The following ANTXR1 variants were observed in gnomAD, a reference collection of about 807,000 sequenced individuals.
ANTXR1 encodes ANTXR cell adhesion molecule 1.
In ANTXR1, 19 loss-of-function variants were observed where a neutral mutation model predicts 78.1. That is an observed-to-expected ratio of 0.24 (90% CI 0.17 to 0.36). The LOEUF (loss-of-function observed/expected upper bound fraction) is 0.36, where lower values mean the gene tolerates loss of function less well. ANTXR1 is among the 10% of genes least tolerant of loss of function. The pLI is 1.00. For missense variants in ANTXR1, 518 were observed against 718.6 expected (o/e 0.72, Z 3.19); for synonymous variants, 273 against 260.5 (o/e 1.05, Z -0.46).
At chr2:69,048,263 G>C (rs978349486) in intron 3 of ANTXR1, among the ~76,000 whole-genome samples, 1 of 152,072 alleles carries the variant, frequency 6.6e-6, no homozygotes, top group East Asian at 1.9e-4. Context: ...CTTTTGTTAA[G>C]ATGGTGATAT....
intron 13 of ANTXR1, among the ~76,000 whole-genome samples, chr2:69,165,249 T>C (rs527951122): frequency 6.6e-6 from 1 of 152,348 alleles, no homozygotes; most frequent in South Asian, 2.1e-4. Context: ...TCTTGGACTT[T>C]GTCTAAACAG....
Position 69,089,206 on chromosome 2 carries a change from T to C in ANTXR1, c.643-1653T>C, listed in dbSNP as rs149447582. 4.0e-3 allele frequency among the ~76,000 whole-genome samples: 616 copies of C among 152,356 alleles called. 1 individual carries two copies. The highest frequency in any genetic ancestry group is 0.014 in the African/African-American group (597 of 41,586). ...TCAGAAAATCTGAATTTTAGAATTG[T>C]CAAGAAGAAATGTTGCTTTTGGTGA... On this transcript the variant is annotated intron_variant, in intron 8 of 17. Transcript: ENST00000303714.
chr2:69,178,500 TC>T (rs766150379), intron 14 of ANTXR1, among the ~76,000 whole-genome samples: 19 of 151,826 alleles, frequency 1.3e-4, no homozygotes, highest in Non-Finnish European at 2.8e-4. Context: ...GGCGCCTCCT[TC>T]CCCAGGCCAG....
intron 1 of ANTXR1, among the ~76,000 whole-genome samples, chr2:69,016,784 T>C (rs1671038841): frequency 6.6e-6 from 1 of 152,258 alleles, no homozygotes; most frequent in Non-Finnish European, 1.5e-5. Context: ...CATACATTAC[T>C]TTTATATTCA....
intron 17 of ANTXR1, among the ~76,000 whole-genome samples, chr2:69,217,584 A>C (rs887391708): frequency 6.6e-6 from 1 of 152,212 alleles, no homozygotes; most frequent in African/African-American, 2.4e-5. Context: ...TGATTACTAA[A>C]TGCAATATAG....
intron 3 of ANTXR1, among the ~76,000 whole-genome samples, chr2:69,056,377 C>T (rs1371903263): frequency 6.6e-6 from 1 of 152,044 alleles, no homozygotes; most frequent in Non-Finnish European, 1.5e-5. Context: ...TGATAGCCTC[C>T]GAATGCCTCC....
intron 3 of ANTXR1, among the ~76,000 whole-genome samples, chr2:69,052,541 TTTCTC>T (rs1358867590): frequency 6.6e-6 from 1 of 152,186 alleles, no homozygotes; most frequent in East Asian, 1.9e-4. Context: ...TTATAGAACT[TTTCTC>T]TTTATCATAC....
At chr2:69,146,354 T>G in intron 12 of ANTXR1, 10 of 985,422 alleles carry the variant, frequency 1.0e-5, no homozygotes, top group Non-Finnish European at 1.2e-5. Flanking sequence ...CCATGTTGAT[T>G]GATTTTTTAA....
chr2:69,157,688 T>C (rs1411154007), intron 13 of ANTXR1, among the ~76,000 whole-genome samples: 1 of 152,202 alleles, frequency 6.6e-6, no homozygotes, highest in Non-Finnish European at 1.5e-5. Flanking sequence ...ACAGTCACAG[T>C]GTCTGTCACT....
chr2:69,203,086 GT>G (rs1260688061), intron 17 of ANTXR1, among the ~76,000 whole-genome samples: 1 of 149,758 alleles, frequency 6.7e-6, no homozygotes, highest in Non-Finnish European at 1.5e-5. Context: ...AAACAATTAA[GT>G]TTACATTAGC....
intron 8 of ANTXR1, among the ~76,000 whole-genome samples, chr2:69,084,368 G>A (rs1670984882): frequency 6.6e-6 from 1 of 152,186 alleles, no homozygotes; most frequent in South Asian, 2.1e-4. Context: ...GAAACTAACA[G>A]AGTAGCATCT....
In ANTXR1 at chr2:69,217,683, T is replaced by G. The variant is rs898624202; in HGVS notation, c.1434+24268T>G. On this transcript the variant is annotated intron_variant, in intron 17 of 17. Transcript: ENST00000303714. ...TTGTTATTATTAAAAGAAAATACCCTTATTAATTAACTACTGCAAGTCAGG... is the reference window on the plus strand; with the variant it reads ...TTGTTATTATTAAAAGAAAATACCCGTATTAATTAACTACTGCAAGTCAGG... 2.9e-4 allele frequency among the ~76,000 whole-genome samples: 43 copies of G among 149,558 alleles called. 1 individual carries two copies. The highest frequency in any genetic ancestry group is 1.5e-3 in the Admixed American group (22 of 14,782).
intron 17 of ANTXR1, among the ~76,000 whole-genome samples, chr2:69,230,117 C>T (rs1189761414): frequency 6.6e-6 from 1 of 151,446 alleles, no homozygotes; most frequent in East Asian, 2.0e-4. Context: ...TGTTTAGTGA[C>T]AGCACTTTGG....
intron 3 of ANTXR1, 140 bp from the exon 4 acceptor site, chr2:69,070,507 T>G: frequency 2.6e-6 from 2 of 774,956 alleles, no homozygotes; most frequent in Non-Finnish European, 2.3e-6. Flanking sequence ...TATAAAGGCC[T>G]TCCCTTTGAT....
rs1394267122 is a variant in ANTXR1 at position 69,175,483 on chromosome 2, A to C, written c.1089+5194A>C. Among the ~76,000 whole-genome samples the C allele has an allele frequency of 2.0e-5, 3 of 152,078 alleles. No homozygotes were observed. The South Asian group carries it at 6.2e-4, about 32-fold the overall frequency. ...CTACAAAAATAAAAATTAGCTTGGC[A>C]TGGTGGCTGTCACACATGTGGTCCC... On this transcript the variant is annotated intron_variant, in intron 14 of 17. Transcript: ENST00000303714.
At chr2:69,224,044 A>C (rs1416283277) in intron 17 of ANTXR1, among the ~76,000 whole-genome samples, 1 of 152,224 alleles carries the variant, frequency 6.6e-6, no homozygotes, top group Non-Finnish European at 1.5e-5. Context: ...AGGGCCCCTG[A>C]GTAGCATTTA....
intron 17 of ANTXR1, among the ~76,000 whole-genome samples, chr2:69,231,350 T>C (rs1268421674): frequency 6.6e-6 from 1 of 152,068 alleles, no homozygotes; most frequent in Non-Finnish European, 1.5e-5. Flanking sequence ...TGGCATAAAG[T>C]CCTAGTCCAT....
chr2:69,226,165 C>G (rs1010364959), intron 17 of ANTXR1, among the ~76,000 whole-genome samples: 1 of 152,142 alleles, frequency 6.6e-6, no homozygotes, highest in African/African-American at 2.4e-5. Flanking sequence ...CCACGAGCAC[C>G]CCCACTCATT....
intron 14 of ANTXR1, among the ~76,000 whole-genome samples, chr2:69,177,479 C>T (rs1226760403): frequency 1.3e-5 from 2 of 152,220 alleles, no homozygotes; most frequent in East Asian, 3.9e-4. Flanking sequence ...ACACGCAGGT[C>T]AGAAGGGGCC....
Sources: gnomAD v4.1 joint callset for allele counts (sites outside exome capture counted in the v4.1 genomes callset) on GRCh38, gnomAD v4.1.1 for gene constraint, MANE v1.5 for transcripts, NCBI Gene and HGNC (gene_info 2026-07-23, HGNC 2026-07-21) for gene names.